SAMTOR: variants seen among roughly 807,000 people sequenced by gnomAD.
The protein encoded by SAMTOR is S-adenosylmethionine sensor upstream of mTORC1.
At chr7:112,901,069 TGTGAAA>T in the SAMTOR span, among the ~76,000 whole-genome samples, 1 of 152,290 alleles carries the variant, frequency 6.6e-6, no homozygotes, top group Admixed American at 6.5e-5. Context: ...TTTTTTGCTT[TGTGAAA>T]GACATTGTCA....
chr7:112,845,997 T>C, the SAMTOR span, among the ~76,000 whole-genome samples: 1 of 152,044 alleles, frequency 6.6e-6, no homozygotes, highest in African/African-American at 2.4e-5. Context: ...TTTTCACTTA[T>C]AAGTGATGAG....
At chr7:112,882,039 C>T in the SAMTOR span, among the ~76,000 whole-genome samples, 2 of 152,224 alleles carry the variant, frequency 1.3e-5, no homozygotes, top group Non-Finnish European at 2.9e-5. Flanking sequence ...TCCATGCTTC[C>T]AGGCACCACT....
chr7:112,909,873 A>T, the SAMTOR span, among the ~76,000 whole-genome samples: 1 of 150,726 alleles, frequency 6.6e-6, no homozygotes, highest in Non-Finnish European at 1.5e-5. Flanking sequence ...AACACTATAT[A>T]ATATTATATT....
the SAMTOR span, among the ~76,000 whole-genome samples, chr7:112,918,986 C>T: frequency 2.0e-5 from 3 of 152,142 alleles, no homozygotes; most frequent in African/African-American, 7.2e-5. Context: ...TAGACTCCCA[C>T]ACAATAATAA....
At chr7:112,907,820 G>T in the SAMTOR span, among the ~76,000 whole-genome samples, 86 of 149,820 alleles carry the variant, frequency 5.7e-4, 2 homozygotes, top group South Asian at 0.018. Flanking sequence ...TGAAGTTATA[G>T]AGAAATGGGT....
At chr7:112,871,718 T>C in the SAMTOR span, among the ~76,000 whole-genome samples, 34 of 147,718 alleles carry the variant, frequency 2.3e-4, no homozygotes, top group Admixed American at 4.0e-4. Flanking sequence ...TCAATGTTAA[T>C]AGCATAAACA....
At chr7:112,905,883 C>A in the SAMTOR span, among the ~76,000 whole-genome samples, 2 of 151,808 alleles carry the variant, frequency 1.3e-5, no homozygotes, top group African/African-American at 4.8e-5. Context: ...ACGTAATAGA[C>A]AAGAGAAAAA....
the SAMTOR span, among the ~76,000 whole-genome samples, chr7:112,866,273 G>A: frequency 6.6e-6 from 1 of 152,116 alleles, no homozygotes; most frequent in Non-Finnish European, 1.5e-5. Flanking sequence ...ACTGAGGACT[G>A]TAATTTAAAA....
chr7:112,876,432 T>C, the SAMTOR span, among the ~76,000 whole-genome samples: 1 of 152,178 alleles, frequency 6.6e-6, no homozygotes, highest in African/African-American at 2.4e-5. Flanking sequence ...ACTCTTTTTC[T>C]CATTTTTTAC....
the SAMTOR span, among the ~76,000 whole-genome samples, chr7:112,873,528 C>T: frequency 6.6e-6 from 1 of 152,134 alleles, no homozygotes; most frequent in African/African-American, 2.4e-5. Flanking sequence ...AAGAATGAAA[C>T]TGGACCCTTA....
chr7:112,857,178 G>A, the SAMTOR span, among the ~76,000 whole-genome samples: 13 of 138,262 alleles, frequency 9.4e-5, no homozygotes, highest in African/African-American at 3.4e-4. Context: ...TGCAAGCTCC[G>A]CTTCCCGGGT....
chr7:112,914,276 G>GTTTTTTTTTTTTTTTTTTTTTTTTT, the SAMTOR span, among the ~76,000 whole-genome samples: 4 of 131,004 alleles, frequency 3.1e-5, 2 homozygotes, highest in African/African-American at 5.8e-5. Flanking sequence ...TTAGCCTCTA[G>GTTTTTTTTTTTTTTTTTTTTTTTTT]TTTTTTTTTT....
At chr7:112,880,399 CAA>C in the SAMTOR span, among the ~76,000 whole-genome samples, 6 of 152,078 alleles carry the variant, frequency 3.9e-5, no homozygotes, top group Admixed American at 1.3e-4. Flanking sequence ...GATATTTCCC[CAA>C]AGTTATTCCC....
the SAMTOR span, among the ~76,000 whole-genome samples, chr7:112,915,842 T>G: frequency 1.3e-5 from 2 of 152,212 alleles, no homozygotes; most frequent in Admixed American, 1.3e-4. Context: ...GAATTAATTT[T>G]CCTGTTACTG....
the SAMTOR span, among the ~76,000 whole-genome samples, chr7:112,928,053 G>C: frequency 1.3e-5 from 2 of 151,838 alleles, no homozygotes; most frequent in Non-Finnish European, 2.9e-5. Flanking sequence ...TGACAACTAG[G>C]AAAGAATAGC....
the SAMTOR span, among the ~76,000 whole-genome samples, chr7:112,881,549 C>A: frequency 1.3e-5 from 2 of 152,188 alleles, no homozygotes; most frequent in Admixed American, 1.3e-4. Context: ...AAGGAGCTAC[C>A]CAATTCAGGT....
the SAMTOR span, among the ~76,000 whole-genome samples, chr7:112,889,703 AAAC>A: frequency 6.6e-6 from 1 of 152,194 alleles, no homozygotes; most frequent in South Asian, 2.1e-4. Flanking sequence ...TTTAGGGCTC[AAAC>A]AAAGGCAAAT....
the SAMTOR span, among the ~76,000 whole-genome samples, chr7:112,862,362 T>A: frequency 6.6e-6 from 1 of 152,330 alleles, no homozygotes; most frequent in Admixed American, 6.5e-5. Context: ...TGTTGTCATC[T>A]CCATATTATA....
chr7:112,847,127 G>A, the SAMTOR span, among the ~76,000 whole-genome samples: 2 of 152,138 alleles, frequency 1.3e-5, no homozygotes, highest in Non-Finnish European at 2.9e-5. Flanking sequence ...CTAAATTCCA[G>A]CACTAATCCT....
Sources: gnomAD v4.1 joint callset for allele counts (sites outside exome capture counted in the v4.1 genomes callset) on GRCh38, gnomAD v4.1.1 for gene constraint, MANE v1.5 for transcripts, NCBI Gene and HGNC (gene_info 2026-07-23, HGNC 2026-07-21) for gene names.